RPGRIP1L: variants seen among roughly 807,000 people sequenced by gnomAD.
RPGRIP1L encodes the protein protein fantom.
Under a neutral mutation model 160.4 loss-of-function variants are expected in RPGRIP1L, and 131 were observed. The observed-to-expected ratio is 0.82, with a 90% CI of 0.71 to 0.94. The LOEUF is 0.94. Ranked by LOEUF, RPGRIP1L falls within the 40% of genes least tolerant of loss-of-function variation. The pLI is 0.00. For missense variants in RPGRIP1L, 1,522 were observed against 1,535.8 expected, an observed-to-expected ratio of 0.99 and a Z score of 0.15; for synonymous variants, 510 against 515.8, an observed-to-expected ratio of 0.99 and a Z score of 0.15.
intron 15 of RPGRIP1L, among the ~76,000 whole-genome samples, chr16:53,652,191 G>A (rs1053441630): frequency 3.9e-5 from 6 of 152,094 alleles, no homozygotes; most frequent in Non-Finnish European, 7.4e-5. Context: ...TTCTGCCTCA[G>A]CCTCCCAAGT....
chr16:53,696,364 T>C, intron 2 of RPGRIP1L, 69 bp from the exon 3 acceptor site: 3 of 1,519,730 alleles, frequency 2.0e-6, no homozygotes, highest in East Asian at 2.3e-5. Context: ...TTGATATTAA[T>C]ATAATCTCTG....
chr16:53,624,608 AT>A (rs980788531), intron 22 of RPGRIP1L, among the ~76,000 whole-genome samples: 35 of 152,174 alleles, frequency 2.3e-4, no homozygotes, highest in Non-Finnish European at 4.9e-4. Flanking sequence ...CTGCCGAGAA[AT>A]ATATAGAACT....
At chr16:53,686,763 T>G (rs1258327752) in intron 5 of RPGRIP1L, among the ~76,000 whole-genome samples, 187 bp from the exon 6 acceptor site, 2 of 152,190 alleles carry the variant, frequency 1.3e-5, no homozygotes, top group Non-Finnish European at 2.9e-5. Flanking sequence ...TACGGAACAA[T>G]GCAAGATACT....
rs1217180201 is a variant in RPGRIP1L, at chr16:53,599,222, AG to A, written c.*2853del. The A allele has an allele frequency of 6.6e-6, 1 of 152,240 alleles. No individual in the cohort carries two copies. Among genetic ancestry groups the A allele is most frequent in the Non-Finnish European group, 1.5e-5 (1 of 68,046 alleles). 9.4% of individuals were successfully genotyped at this position (152,240 alleles called of 1,614,324 possible). On this transcript the variant is annotated 3_prime_UTR_variant, in exon 27 of 27. Transcript: ENST00000647211. The stretch of plus-strand genomic sequence containing the variant: ...TGTTTTGTGGTAACGAATGAATGGC[AG>A]GAACAGCAGAATTTCAGTGTGGCCT...
chr16:53,653,088 C>T, intron 14 of RPGRIP1L, 101 bp from the exon 15 acceptor site: 2 of 990,088 alleles, frequency 2.0e-6, no homozygotes, highest in South Asian at 2.8e-5. Context: ...GGTGAACAGT[C>T]TCTATTTTAA....
chr16:53,675,984 G>C (rs1358562719), intron 6 of RPGRIP1L, among the ~76,000 whole-genome samples: 1 of 151,612 alleles, frequency 6.6e-6, no homozygotes, highest in Non-Finnish European at 1.5e-5. Context: ...TTCACTTTTA[G>C]GAAAAATAAA....
rs186383095 is a variant in RPGRIP1L, at chr16:53,659,268, A to G, written c.1244-390T>C. The G allele has an allele frequency of 8.0e-3, 6,214 of 775,148 alleles. 24 individuals carry two copies. Among genetic ancestry groups the G allele is most frequent in the Non-Finnish European group, 9.3e-3 (5,887 of 630,302 alleles). 48.0% of individuals were successfully genotyped at this position (775,148 alleles called of 1,614,324 possible). ...AAAAAAATTGTCTTTTAGTTTTTTA[A>G]TTGACATCTTTGAATTTTATTTTCC... is the stretch of plus-strand genomic sequence containing the variant. On this transcript the variant is annotated intron_variant, in intron 10 of 26. Coordinates refer to ENST00000647211, the MANE Select transcript of RPGRIP1L (RefSeq NM_015272.5).
rs915393428 is a variant in RPGRIP1L at position 53,602,127 on chromosome 16, G to C, written c.3897C>G (p.Leu1299=). The C allele has an allele frequency of 1.2e-6, 2 of 1,614,022 alleles. No homozygotes were observed. The highest frequency in any genetic ancestry group is 3.3e-4 in the Middle Eastern group (2 of 6,048). The stretch of plus-strand genomic sequence containing the variant: ...GCTTGTAGACAGACTGGAGGGCATG[G>C]AGAGCTTCGACTGTTACCCTGAGCT... ...IGKLRVTVEA[L]HALQSVYKQY... is the part of the protein sequence containing the mutation. The change falls in exon 27 of 27, where the codon CTC becomes CTG. Residue 1299 remains leucine, a synonymous_variant. Coordinates refer to ENST00000647211, the MANE Select transcript of RPGRIP1L (RefSeq NM_015272.5).
intron 14 of RPGRIP1L, 53 bp from the exon 15 acceptor site, chr16:53,653,040 T>C: frequency 6.8e-7 from 1 of 1,474,662 alleles, no homozygotes; most frequent in South Asian, 1.1e-5. Flanking sequence ...CATGAGAAAA[T>C]GAAAACTGGC....
intron 26 of RPGRIP1L, among the ~76,000 whole-genome samples, chr16:53,603,706 G>A (rs973813792): frequency 6.9e-6 from 1 of 144,282 alleles, no homozygotes; most frequent in Admixed American, 7.0e-5. Flanking sequence ...GTGTGTGTGT[G>A]TGTTTAATTC....
Position 53,675,098 on chromosome 16 carries a change from TTCTACATTG to T in RPGRIP1L, c.792_800del (p.Asp264_Val266del). 1 of 1,611,292 alleles carries T rather than the reference TTCTACATTG, an allele frequency of 6.2e-7. No homozygotes were observed. Among genetic ancestry groups the T allele is most frequent in the Non-Finnish European group, 8.5e-7 (1 of 1,178,590 alleles). On this transcript the variant is annotated inframe_deletion, in exon 7 of 27. Transcript: ENST00000647211. The stretch of plus-strand genomic sequence containing the variant: ...CTAGCTGTTTATGAAGCTTAATCAT[TTCTACATTG>T]TCCCGAATATTTGACCTTCAGAGTT...
chr16:53,643,106 G>T (rs181140384), intron 17 of RPGRIP1L, among the ~76,000 whole-genome samples: 30 of 152,252 alleles, frequency 2.0e-4, no homozygotes, highest in Admixed American at 1.7e-3. Context: ...AGACCAGCCT[G>T]GCCAACTGGC....
chr16:53,617,185 G>A (rs1053844870), intron 24 of RPGRIP1L, among the ~76,000 whole-genome samples: 5 of 150,350 alleles, frequency 3.3e-5, no homozygotes, highest in African/African-American at 4.9e-5. Flanking sequence ...ATATATCACA[G>A]TTTGAGCTAA....
At chr16:53,639,276 C>T (rs1293334097) in intron 19 of RPGRIP1L, among the ~76,000 whole-genome samples, 1 of 151,436 alleles carries the variant, frequency 6.6e-6, no homozygotes, top group Non-Finnish European at 1.5e-5. Flanking sequence ...AATGGTAATA[C>T]CTATTAAACT....
rs141486150 is a variant in RPGRIP1L at position 53,674,626 on chromosome 16, C to T, written c.882+391G>A. 3.3e-3 allele frequency among the ~76,000 whole-genome samples: 508 copies of T among 152,196 alleles called. 7 individuals are homozygous for T. The highest frequency in any genetic ancestry group is 1.8e-3 in the Non-Finnish European group (120 of 67,968). On this transcript the variant is annotated intron_variant, in intron 7 of 26. Transcript: ENST00000647211. The stretch of plus-strand genomic sequence containing the variant: ...TTACTGACCTATTCATTACTTTGGT[C>T]TATTGCCAATAATTTTATAAATGCT...
At chr16:53,686,653 T>C (rs1271904042) in intron 5 of RPGRIP1L, 77 bp from the exon 6 acceptor site, 2 of 1,482,722 alleles carry the variant, frequency 1.3e-6, no homozygotes, top group Non-Finnish European at 1.9e-6. Context: ...CAAAGAAAGT[T>C]CTTCATGAAA....
intron 2 of RPGRIP1L, among the ~76,000 whole-genome samples, chr16:53,696,915 C>G (rs1970805697): frequency 6.6e-6 from 1 of 152,104 alleles, no homozygotes; most frequent in South Asian, 2.1e-4. Context: ...TTTTCCGAGC[C>G]AGGCTTGGTG....
At position 53,599,117 on chromosome 16, in the gene RPGRIP1L, A is replaced by G. The variant is rs1327784567; in HGVS notation, c.*2959T>C. ...AAATAATTTATGTTTTGTTGTGGGA[A>G]CATGAGTGCACGCAAAACCTCTCCA... is the stretch of plus-strand genomic sequence containing the variant. On this transcript the variant is annotated 3_prime_UTR_variant, in exon 27 of 27. Coordinates refer to ENST00000647211, the MANE Select transcript of RPGRIP1L (RefSeq NM_015272.5). 1 of 152,222 alleles carries G rather than the reference A, an allele frequency of 6.6e-6. No homozygotes were observed. The highest frequency in any genetic ancestry group is 1.5e-5 in the Non-Finnish European group (1 of 68,044). 9.4% of individuals were successfully genotyped at this position (152,222 alleles called of 1,614,324 possible).
chr16:53,703,611 GC>G (rs1971700884), intron 1 of RPGRIP1L, 191 bp downstream of exon 1: 1 of 177,734 alleles, frequency 5.6e-6, no homozygotes, highest in Non-Finnish European at 1.2e-5. Context: ...ATAAAGGGCG[GC>G]CTGTGATTCA....
Sources: gnomAD v4.1 joint callset for allele counts (sites outside exome capture counted in the v4.1 genomes callset) on GRCh38, gnomAD v4.1.1 for gene constraint, MANE v1.5 for transcripts, NCBI Gene and HGNC (gene_info 2026-07-23, HGNC 2026-07-21) for gene names.